Variants in PDCD10 observed in about 807,000 individuals in gnomAD.
PDCD10 encodes programmed cell death protein 10.
PDCD10 carries 4 observed loss-of-function variants against 29.2 expected under a neutral mutation model. That is an observed-to-expected ratio of 0.14 (90% CI 0.07 to 0.31). The LOEUF is 0.31. Among genes scored for constraint, PDCD10 ranks in the 10% least tolerant of loss-of-function variants. The probability of loss-of-function intolerance (pLI) is 1.00; values close to 1 mark genes in which losing one functional copy is unlikely to be tolerated. For missense variants in PDCD10, 183 were observed against 257.9 expected (o/e 0.71, Z 1.99); for synonymous variants, 70 against 82.2 (o/e 0.85, Z 0.80).
intron 8 of PDCD10, among the ~76,000 whole-genome samples, chr3:167,686,653 C>T (rs1719656952): frequency 6.6e-6 from 1 of 152,116 alleles, no homozygotes; most frequent in South Asian, 2.1e-4. Flanking sequence ...CCATCCTAGA[C>T]CTACGAAATC....
At chr3:167,731,652 G>A (rs980509178) in intron 2 of PDCD10, among the ~76,000 whole-genome samples, 2 of 152,162 alleles carry the variant, frequency 1.3e-5, no homozygotes, top group Non-Finnish European at 2.9e-5. Flanking sequence ...CAGGTACTGC[G>A]TAAGTAGTGG....
At chr3:167,706,570 C>A (rs111306393) in intron 3 of PDCD10, among the ~76,000 whole-genome samples, 2,664 of 152,222 alleles carry the variant, frequency 0.018, 88 homozygotes, top group African/African-American at 0.061. Context: ...TGTTGCGCTA[C>A]AATGAACAAT....
At chr3:167,698,048 A>C (rs1720991988) in intron 4 of PDCD10, 2 of 455,200 alleles carry the variant, frequency 4.4e-6, no homozygotes, top group Non-Finnish European at 8.8e-6. Context: ...TTGTTTCCTT[A>C]TGTGTCAAGC....
intron 2 of PDCD10, among the ~76,000 whole-genome samples, chr3:167,732,234 T>C (rs1345961899): frequency 6.6e-6 from 1 of 152,194 alleles, no homozygotes; most frequent in East Asian, 1.9e-4. Flanking sequence ...TTAACCAACT[T>C]GAGCCTCTTC....
chr3:167,701,489 C>A (rs1286548020), intron 4 of PDCD10, among the ~76,000 whole-genome samples: 1 of 152,196 alleles, frequency 6.6e-6, no homozygotes, highest in African/African-American at 2.4e-5. Flanking sequence ...GCCTCCGCAC[C>A]TAGCCTTTAT....
At chr3:167,687,976 G>T (rs1020410921) in intron 6 of PDCD10, among the ~76,000 whole-genome samples, 2 of 152,080 alleles carry the variant, frequency 1.3e-5, no homozygotes, top group Non-Finnish European at 2.9e-5. Context: ...ATTTCATTAA[G>T]CGTTCCTTAC....
chr3:167,732,385 C>G (rs1197920294), intron 2 of PDCD10, among the ~76,000 whole-genome samples: 2 of 152,092 alleles, frequency 1.3e-5, no homozygotes. Flanking sequence ...AAATAATGTC[C>G]AAAAGCTGAC....
intron 2 of PDCD10, among the ~76,000 whole-genome samples, chr3:167,732,341 T>TATA (rs1724906702): frequency 6.6e-6 from 1 of 152,160 alleles, no homozygotes; most frequent in African/African-American, 2.4e-5. Context: ...CAGACAGATG[T>TATA]ATAATATACG....
chr3:167,725,368 T>C (rs6769769), intron 2 of PDCD10: 43,715 of 147,800 alleles, frequency 0.3, 6,936 homozygotes, highest in African/African-American at 0.44. Context: ...CAAAGCGGGG[T>C]GGGGTTAACA....
At chr3:167,691,641 C>G (rs554075038) in intron 6 of PDCD10, among the ~76,000 whole-genome samples, 1 of 152,340 alleles carries the variant, frequency 6.6e-6, no homozygotes, top group Non-Finnish European at 1.5e-5. Flanking sequence ...GCCTACATTT[C>G]TATGCCAGTT....
intron 6 of PDCD10, among the ~76,000 whole-genome samples, chr3:167,691,065 G>A (rs1388414196): frequency 6.6e-6 from 1 of 152,086 alleles, no homozygotes; most frequent in Non-Finnish European, 1.5e-5. Context: ...AATGAATAAA[G>A]GGGATAACTA....
At chr3:167,731,461 A>G (rs1214357464) in intron 2 of PDCD10, among the ~76,000 whole-genome samples, 1 of 152,232 alleles carries the variant, frequency 6.6e-6, no homozygotes, top group Non-Finnish European at 1.5e-5. Context: ...ACTCCTTTAC[A>G]TATAACCTAA....
intron 6 of PDCD10, among the ~76,000 whole-genome samples, chr3:167,693,883 G>C (rs1315176698): frequency 6.6e-6 from 1 of 152,150 alleles, no homozygotes; most frequent in African/African-American, 2.4e-5. Flanking sequence ...TTGAGCCCAG[G>C]AGGTTGAGGG....
intron 6 of PDCD10, among the ~76,000 whole-genome samples, chr3:167,692,107 C>A (rs181524867): frequency 6.6e-6 from 1 of 152,080 alleles, no homozygotes; most frequent in Non-Finnish European, 1.5e-5. Flanking sequence ...AACAAGTACA[C>A]GATTATCAAA....
intron 2 of PDCD10, among the ~76,000 whole-genome samples, chr3:167,724,947 T>C (rs976587811): frequency 6.6e-6 from 1 of 152,042 alleles, no homozygotes; most frequent in Non-Finnish European, 1.5e-5. Context: ...TTTCTCTCAA[T>C]AATATAACAC....
Position 167,720,151 on chromosome 3 carries a change from T to A in PDCD10, c.7A>T (p.Met3Leu). 1 of 1,610,360 alleles carries A rather than the reference T, an allele frequency of 6.2e-7. No homozygotes were observed. The highest frequency in any genetic ancestry group is 8.5e-7 in the Non-Finnish European group (1 of 1,176,944). The change falls in exon 3 of 9, where the codon ATG (methionine) becomes TTG (leucine). Residue 3 changes from methionine to leucine, a missense_variant. Transcript: ENST00000392750. The part of the protein sequence containing the change: MR[M>L]TMEEMKNEAE... ...TCATTCTTCATCTCTTCCATTGTCA[T>A]CCTCATTCAAAAGCCAACTACAGTT...
chr3:167,692,236 C>A (rs1013124813), intron 6 of PDCD10, among the ~76,000 whole-genome samples: 2 of 152,202 alleles, frequency 1.3e-5, no homozygotes, highest in African/African-American at 4.8e-5. Flanking sequence ...TTTAACTATA[C>A]AGGGCGAGTA....
chr3:167,687,786 C>G (rs1719775774), intron 6 of PDCD10, 93 bp from the exon 7 acceptor site: 1 of 728,304 alleles, frequency 1.4e-6, no homozygotes, highest in Non-Finnish European at 2.5e-6. Flanking sequence ...ATTAAGTACA[C>G]TCTTAATCTA....
At chr3:167,698,991 G>A (rs146733325) in intron 4 of PDCD10, among the ~76,000 whole-genome samples, 2,417 of 152,042 alleles carry the variant, frequency 0.016, 28 homozygotes, top group Non-Finnish European at 0.024. Context: ...AAATACTTAG[G>A]TCTAAACAAC....
Sources: gnomAD v4.1 joint callset for allele counts (sites outside exome capture counted in the v4.1 genomes callset) on GRCh38, gnomAD v4.1.1 for gene constraint, MANE v1.5 for transcripts, NCBI Gene and HGNC (gene_info 2026-07-23, HGNC 2026-07-21) for gene names.